Variants in TSEN2 observed in about 807,000 individuals in gnomAD.
TSEN2 encodes the protein tRNA-splicing endonuclease subunit Sen2.
In TSEN2, 54 loss-of-function variants were observed where a neutral mutation model predicts 59.2. The ratio of observed to expected loss-of-function variants is 0.91; its 90% CI spans 0.73 to 1.14. TSEN2 has a LOEUF of 1.14. Ranked by LOEUF, TSEN2 falls within the 50% of genes most tolerant of loss-of-function variation. The pLI is 0.00. For missense variants in TSEN2, 636 were observed against 576.2 expected (o/e 1.10, Z -1.06); for synonymous variants, 195 against 198.2 (o/e 0.98, Z 0.14).
intron 6 of TSEN2, chr3:12,505,586 C>T (rs975713604): frequency 2.9e-5 from 7 of 243,478 alleles, no homozygotes; most frequent in Admixed American, 1.0e-4. Flanking sequence ...GTCAGGAGTT[C>T]GAGACCAGCC....
rs549170416 is a variant in TSEN2 at position 12,506,491 on chromosome 3, T to C, written c.909+1260T>C. Among the ~76,000 whole-genome samples, 4 of 150,102 alleles carry C rather than the reference T, an allele frequency of 2.7e-5. No homozygotes were observed. In the South Asian group the frequency reaches 8.4e-4, roughly 32 times the overall value. On this transcript the variant is annotated intron_variant, in intron 6 of 11. Coordinates refer to ENST00000284995, the MANE Select transcript of TSEN2 (RefSeq NM_025265.4). ...ATGCCTGTAGTCTCAACTACTTGGG[T>C]GGCTGAGGTGGGAGGGTTGCTTGAG...
intron 8 of TSEN2, among the ~76,000 whole-genome samples, chr3:12,519,483 C>T (rs747140032): frequency 1.1e-4 from 17 of 152,192 alleles, no homozygotes; most frequent in Non-Finnish European, 1.6e-4. Context: ...CCGTGGCTTA[C>T]GCATGTAATC....
At chr3:12,510,543 G>A (rs562044809) in intron 6 of TSEN2, among the ~76,000 whole-genome samples, 1 of 152,158 alleles carries the variant, frequency 6.6e-6, no homozygotes, top group Non-Finnish European at 1.5e-5. Context: ...CACCAGGGTC[G>A]GGCGACAGCT....
chr3:12,485,451 G>A (rs1480203744), intron 1 of TSEN2, among the ~76,000 whole-genome samples: 1 of 152,182 alleles, frequency 6.6e-6, no homozygotes, highest in African/African-American at 2.4e-5. Context: ...TCAGGGGTGC[G>A]CCCGGCCCCT....
chr3:12,485,942 A>G (rs998426854), intron 1 of TSEN2, among the ~76,000 whole-genome samples: 3 of 150,300 alleles, frequency 2.0e-5, no homozygotes, highest in African/African-American at 7.5e-5. Flanking sequence ...TGGAAAAAGA[A>G]ATTTAAAAAT....
At chr3:12,481,922 C>T (rs373589949), upstream of TSEN2, among the ~76,000 whole-genome samples, 3 of 58,120 alleles carry the variant, frequency 5.2e-5, no homozygotes, top group African/African-American at 1.9e-4. Context: ...TGTGTGTCTG[C>T]GTATATATAT....
In TSEN2 at chr3:12,528,829, T is replaced by A. The variant is rs2057276817; in HGVS notation, c.1100-59T>A. 7 of 1,583,336 alleles carry A rather than the reference T, an allele frequency of 4.4e-6. No homozygotes were observed. In the South Asian group the frequency reaches 7.8e-5, roughly 18 times the overall value. On this transcript the variant is annotated intron_variant, in intron 8 of 11. Coordinates refer to ENST00000284995, the MANE Select transcript of TSEN2 (RefSeq NM_025265.4). ...AATAAAGCAAGCTTTTTGTTGAGTCTTACTCCTCTCTCATTATTTTGAGTG... is the reference window on the plus strand; with the variant it reads ...AATAAAGCAAGCTTTTTGTTGAGTCATACTCCTCTCTCATTATTTTGAGTG...
intron 7 of TSEN2, among the ~76,000 whole-genome samples, chr3:12,517,111 G>A (rs1041693048): frequency 1.3e-5 from 2 of 152,162 alleles, no homozygotes; most frequent in African/African-American, 4.8e-5. Context: ...ACACTGGGGG[G>A]CCGAGGCGGG....
At chr3:12,498,884 A>G (rs1330484312) in intron 4 of TSEN2, among the ~76,000 whole-genome samples, 2 of 152,198 alleles carry the variant, frequency 1.3e-5, no homozygotes, top group Admixed American at 1.3e-4. Context: ...ATGCATGTTC[A>G]TATTTTTAGA....
chr3:12,532,822 A>T lies in TSEN2; in HGVS notation c.*101A>T. On this transcript the variant is annotated 3_prime_UTR_variant, in exon 12 of 12. Transcript: ENST00000284995. ...TCGTCCATTAATTCATAAGTTTTAA[A>T]GGGCATGGTGCTCCCAGCACCAGAA... The T allele has an allele frequency of 8.9e-7, 1 of 1,120,208 alleles. No homozygotes were observed. The highest frequency in any genetic ancestry group is 1.3e-6 in the Non-Finnish European group (1 of 743,506). 69.4% of individuals were successfully genotyped at this position (1,120,208 alleles called of 1,614,324 possible).
downstream of TSEN2, among the ~76,000 whole-genome samples, chr3:12,538,590 T>C (rs887071991): frequency 4.6e-5 from 7 of 152,182 alleles, no homozygotes; most frequent in Admixed American, 3.3e-4. Flanking sequence ...ATGGGTTTCA[T>C]TTTTGGAAAT....
chr3:12,481,368 C>T (rs969161799), upstream of TSEN2, among the ~76,000 whole-genome samples: 4 of 152,056 alleles, frequency 2.6e-5, no homozygotes, highest in African/African-American at 7.2e-5. Flanking sequence ...GCACAGAATA[C>T]CAAAAAATTT....
intron 7 of TSEN2, among the ~76,000 whole-genome samples, chr3:12,517,781 T>C (rs1336479976): frequency 6.6e-6 from 1 of 152,188 alleles, no homozygotes; most frequent in African/African-American, 2.4e-5. Flanking sequence ...TTAGCTGAAA[T>C]GTGTCAGAAC....
chr3:12,530,132 G>A, intron 10 of TSEN2: 1 of 1,375,446 alleles, frequency 7.3e-7, no homozygotes, highest in Admixed American at 3.3e-5. Context: ...AGTGTCCCAT[G>A]GTGATCTGAT....
intron 7 of TSEN2, among the ~76,000 whole-genome samples, chr3:12,517,159 A>G (rs969216422): frequency 3.3e-5 from 5 of 152,054 alleles, no homozygotes; most frequent in African/African-American, 4.8e-5. Context: ...CATCCTGGCT[A>G]TCCTGGCTAA....
At chr3:12,523,979 G>C (rs2056879199) in intron 8 of TSEN2, among the ~76,000 whole-genome samples, 1 of 152,056 alleles carries the variant, frequency 6.6e-6, no homozygotes, top group Admixed American at 6.5e-5. Context: ...CAAAGAATAG[G>C]GACATTCTCC....
At chr3:12,498,309 G>A (rs1333056775) in intron 4 of TSEN2, among the ~76,000 whole-genome samples, 1 of 152,124 alleles carries the variant, frequency 6.6e-6, no homozygotes, top group African/African-American at 2.4e-5. Flanking sequence ...CAGTTACAGA[G>A]TTGCACTGAG....
chr3:12,539,102 T>A, intron 10 of TSEN2: 1 of 426,386 alleles, frequency 2.3e-6, no homozygotes, highest in Non-Finnish European at 4.6e-6. Flanking sequence ...TTTTTTACTG[T>A]TGTTCACTAT....
At chr3:12,489,524 G>A (rs554304213) in intron 1 of TSEN2, among the ~76,000 whole-genome samples, 4 of 152,314 alleles carry the variant, frequency 2.6e-5, no homozygotes, top group South Asian at 2.1e-4. Flanking sequence ...CTAGGTCTCA[G>A]CGTTGTCAGC....
Sources: gnomAD v4.1 joint callset for allele counts (sites outside exome capture counted in the v4.1 genomes callset) on GRCh38, gnomAD v4.1.1 for gene constraint, MANE v1.5 for transcripts, NCBI Gene and HGNC (gene_info 2026-07-23, HGNC 2026-07-21) for gene names.